Variants in SARDH observed in about 807,000 individuals in gnomAD.
The protein encoded by SARDH is sarcosine dehydrogenase, mitochondrial.
In SARDH, 95 loss-of-function variants were observed where a neutral mutation model predicts 109.1. The observed-to-expected ratio is 0.87, with a 90% CI of 0.74 to 1.03. The LOEUF is 1.03. Among genes scored for constraint, SARDH ranks in the 50% least tolerant of loss-of-function variants. SARDH has a pLI of 0.00. For synonymous variants in SARDH, 572 were observed against 534.8 expected (o/e 1.07, Z -0.96); for missense variants, 1,267 against 1,287.8 (o/e 0.98, Z 0.25).
chr9:133,679,528 G>A (rs1046706095), intron 17 of SARDH, among the ~76,000 whole-genome samples: 1 of 152,248 alleles, frequency 6.6e-6, no homozygotes, highest in Admixed American at 6.5e-5. Flanking sequence ...GGCGGGGCCC[G>A]TCCTCGGCAG....
Position 133,718,215 on chromosome 9 carries a change from G to A in SARDH, c.1020+723C>T, listed in dbSNP as rs1218307248. ...GCCTCCCAAGTAGCTGGGATTACAG[G>A]TGCCCGCCACCACACCTGGCTAATT... On this transcript the variant is annotated intron_variant, in intron 7 of 20. Transcript: ENST00000439388. The surrounding 1 kb of genome is among the most constrained non-coding windows in gnomAD (Gnocchi z 4.2). 1 of 156,842 alleles carries A rather than the reference G, an allele frequency of 6.4e-6. No individual in the cohort carries two copies. The highest frequency in any genetic ancestry group is 1.4e-5 in the Non-Finnish European group (1 of 71,054). The allele number at this position is 156,842 out of a possible 1,614,324, so 9.7% of individuals were successfully genotyped here.
intron 1 of SARDH, among the ~76,000 whole-genome samples, chr9:133,735,061 G>A (rs1402265967): frequency 6.6e-6 from 1 of 152,144 alleles, no homozygotes; most frequent in East Asian, 1.9e-4. Context: ...CAGGAGGAGG[G>A]AGAGGCATCG....
intron 13 of SARDH, 52 bp downstream of exon 13, chr9:133,702,864 T>C: frequency 1.9e-6 from 3 of 1,557,058 alleles, no homozygotes; most frequent in Non-Finnish European, 2.6e-6. Context: ...CAATGGCTTA[T>C]CTGAGGGACA....
intron 19 of SARDH, among the ~76,000 whole-genome samples, chr9:133,669,947 T>C (rs1475309965): frequency 6.6e-6 from 1 of 152,214 alleles, no homozygotes; most frequent in Non-Finnish European, 1.5e-5. Context: ...TTTTGAGACC[T>C]GCATGGGAAG....
chr9:133,678,164 G>C (rs1423620031), intron 17 of SARDH, among the ~76,000 whole-genome samples: 1 of 152,182 alleles, frequency 6.6e-6, no homozygotes. Context: ...GCAGGTGCAG[G>C]AGGCCTCCCT....
chr9:133,731,219 T>G, intron 4 of SARDH, 86 bp downstream of exon 4: 1 of 1,519,096 alleles, frequency 6.6e-7, no homozygotes, highest in Non-Finnish European at 8.9e-7. Flanking sequence ...GAATGGCTCT[T>G]GTTCTCTTCC....
chr9:133,702,841 C>G, intron 13 of SARDH, 75 bp downstream of exon 13: 1 of 1,404,964 alleles, frequency 7.1e-7, no homozygotes, highest in Non-Finnish European at 9.9e-7. Flanking sequence ...GCAGGGCCAG[C>G]CGAGGGCCGG....
chr9:133,670,727 C>A lies in SARDH; in HGVS notation c.2352G>T (p.Leu784=), dbSNP rs1830316176. 6.3e-7 allele frequency: 1 copy of A among 1,593,548 alleles called. No individual in the cohort carries two copies. The highest frequency in any genetic ancestry group is 8.5e-7 in the Non-Finnish European group (1 of 1,170,942). Residue 784 remains leucine (L), a synonymous_variant, in exon 19 of 21, where the codon CTG becomes CTT. Transcript: ENST00000439388. ...EKGYRHWHAD[L]RPDDSPLEAG... is the part of the protein sequence containing the mutation. ...CCTCCAGGGGGCTGTCGTCTGGCCG[C>A]AGGTCCGCGTGCCAGTGCCGGTAGC...
downstream of SARDH, among the ~76,000 whole-genome samples, chr9:133,660,785 G>A (rs2086413817): frequency 6.6e-6 from 1 of 152,260 alleles, no homozygotes; most frequent in Non-Finnish European, 1.5e-5. Context: ...AGAGAAGTGG[G>A]GCGACCCCAG....
chr9:133,667,191 C>CT, intron 19 of SARDH: 2 of 423,442 alleles, frequency 4.7e-6, no homozygotes, highest in South Asian at 3.6e-5. Flanking sequence ...TTGTTCAACT[C>CT]TGGTTTTTTT....
chr9:133,685,243 C>G lies in SARDH; in HGVS notation c.2113G>C (p.Glu705Gln), dbSNP rs775931677. ...QEVLDADLSN[E>Q]AFPFSTHKLL... ...TTGTGGGTGGAGAACGGGAAGGCCT[C>G]GTTGCTCAGGTCTGCGTCCAGCACC... is the stretch of plus-strand genomic sequence containing the variant. Residue 705 changes from glutamate to glutamine, a missense_variant, in exon 17 of 21, where the codon GAG (glutamate) becomes CAG (glutamine). Transcript: ENST00000439388. 2.5e-6 allele frequency: 4 copies of G among 1,614,024 alleles called. No homozygotes were observed. In the South Asian group the frequency reaches 3.3e-5, roughly 13 times the overall value.
chr9:133,731,565 C>T (rs904118151), intron 3 of SARDH, 81 bp from the exon 4 acceptor site: 13 of 1,412,920 alleles, frequency 9.2e-6, no homozygotes, highest in East Asian at 2.3e-5. Context: ...GGGCATCCAC[C>T]GCAAACCCCA....
intron 13 of SARDH, among the ~76,000 whole-genome samples, chr9:133,700,254 G>C (rs1406887367): frequency 6.6e-6 from 1 of 152,102 alleles, no homozygotes; most frequent in African/African-American, 2.4e-5. Context: ...TTGAACCTGA[G>C]AGGCAGAAGT....
intron 8 of SARDH, among the ~76,000 whole-genome samples, chr9:133,716,368 C>T (rs1832122534): frequency 6.6e-6 from 1 of 152,244 alleles, no homozygotes; most frequent in South Asian, 2.1e-4. Flanking sequence ...TCACCGGTAG[C>T]TCCTGGGCTG....
In SARDH at chr9:133,699,657, C is replaced by T. The variant is rs544547179; in HGVS notation, c.1668+3259G>A. ...CATTAGTTGTTCCAGGAATGCAAATCAAAACCACACTGAAATGCCATTTCA... is the reference window on the plus strand; with the variant it reads ...CATTAGTTGTTCCAGGAATGCAAATTAAAACCACACTGAAATGCCATTTCA... On this transcript the variant is annotated intron_variant, in intron 13 of 20. Coordinates refer to ENST00000439388, the MANE Select transcript of SARDH (RefSeq NM_001134707.2). Among the ~76,000 whole-genome samples the T allele has an allele frequency of 2.6e-5, 4 of 152,268 alleles. No individual in the cohort carries two copies. The East Asian group carries it at 7.7e-4, about 29-fold the overall frequency.
chr9:133,671,087 A>G (rs868542634), intron 18 of SARDH, among the ~76,000 whole-genome samples: 40 of 152,126 alleles, frequency 2.6e-4, no homozygotes, highest in African/African-American at 9.6e-4. Context: ...GGTGCCCAAC[A>G]CGCTGGGGAA....
chr9:133,667,795 C>T (rs921861352), intron 19 of SARDH, among the ~76,000 whole-genome samples: 10 of 152,080 alleles, frequency 6.6e-5, no homozygotes, highest in African/African-American at 1.5e-4. Flanking sequence ...CAGATTAGGA[C>T]GAGGCTGGAA....
chr9:133,739,325 T>C (rs774255254), upstream of SARDH, among the ~76,000 whole-genome samples: 14 of 152,230 alleles, frequency 9.2e-5, no homozygotes, highest in Non-Finnish European at 1.6e-4. Flanking sequence ...AATCAAATCA[T>C]TGTGTTCTTA....
chr9:133,717,589 A>G, intron 7 of SARDH, 134 bp from the exon 8 acceptor site: 3 of 1,316,894 alleles, frequency 2.3e-6, no homozygotes, highest in Non-Finnish European at 2.1e-6. Flanking sequence ...GTGGTCACCC[A>G]CACGTCCCAG....
Sources: gnomAD v4.1 joint callset for allele counts (sites outside exome capture counted in the v4.1 genomes callset) on GRCh38, gnomAD v4.1.1 for gene constraint, Gnocchi (gnomAD v3.1) non-coding constraint, MANE v1.5 for transcripts, NCBI Gene and HGNC (gene_info 2026-07-23, HGNC 2026-07-21) for gene names.